The following RAPGEF2 variants were observed in gnomAD, a reference collection of about 807,000 sequenced individuals.
RAPGEF2 encodes the protein PDZ domain containing guanine nucleotide exchange factor (GEF) 1.
In RAPGEF2, 54 loss-of-function variants were observed where a neutral mutation model predicts 186.7. The ratio of observed to expected loss-of-function variants is 0.29; its 90% confidence interval spans 0.23 to 0.36. RAPGEF2 has a LOEUF of 0.36. RAPGEF2 is among the 10% of genes least tolerant of loss of function. The pLI is 1.00. For missense variants in RAPGEF2, 1,532 were observed against 2,045.0 expected (o/e 0.75, Z 4.84); for synonymous variants, 712 against 705.9 (o/e 1.01, Z -0.14).
intron 3 of RAPGEF2, among the ~76,000 whole-genome samples, chr4:159,206,579 A>G (rs1055897729): frequency 6.6e-6 from 1 of 152,156 alleles, no homozygotes; most frequent in African/African-American, 2.4e-5. Context: ...TTACATACAC[A>G]TGTAAAAACC....
chr4:159,161,619 G>C (rs940952228), intron 1 of RAPGEF2, among the ~76,000 whole-genome samples: 2 of 152,104 alleles, frequency 1.3e-5, no homozygotes, highest in East Asian at 3.9e-4. Context: ...CAGGAGGATC[G>C]ATTGAGCCTG....
rs1417710465 is a variant in RAPGEF2 at position 159,353,083 on chromosome 4, T to C, written c.4091+173T>C. 6.6e-6 allele frequency among the ~76,000 whole-genome samples: 1 copy of C among 152,244 alleles called. No individual in the cohort carries two copies. Among genetic ancestry groups the C allele is most frequent in the Non-Finnish European group, 1.5e-5 (1 of 68,042 alleles). On this transcript the variant is annotated intron_variant, in intron 27 of 29. Transcript: ENST00000691494. The surrounding 1 kb of genome is among the most constrained non-coding windows in gnomAD (Gnocchi z 4.3). ...ACACTAAGTATCATGTTATTTTTGT[T>C]AAGCAGACTGCTTTTTTAGTTAAGT... is the stretch of plus-strand genomic sequence containing the variant.
At chr4:159,182,737 A>G (rs1455833324) in intron 1 of RAPGEF2, among the ~76,000 whole-genome samples, 2 of 152,106 alleles carry the variant, frequency 1.3e-5, no homozygotes, top group Non-Finnish European at 2.9e-5. Context: ...TTATCTAGTT[A>G]TTCTGTGAAT....
chr4:159,104,544 G>GAC (rs1737638121), intron 1 of RAPGEF2, among the ~76,000 whole-genome samples: 9 of 132,694 alleles, frequency 6.8e-5, no homozygotes, highest in South Asian at 2.4e-4. Context: ...CAGAGAGAGA[G>GAC]AGAGAGAGAG....
At chr4:159,104,509 AGAGAGAGAGAGAGAGAGG>A (rs1368362499) in intron 1 of RAPGEF2, among the ~76,000 whole-genome samples, 18 of 128,650 alleles carry the variant, frequency 1.4e-4, no homozygotes, top group African/African-American at 5.8e-4. Context: ...AGAGAGAGAG[AGAGAGAGAGAGAGAGAGG>A]GAGAGACAGA....
chr4:159,289,454 T>TA (rs1272230477), intron 7 of RAPGEF2, among the ~76,000 whole-genome samples: 1 of 152,198 alleles, frequency 6.6e-6, no homozygotes, highest in Non-Finnish European at 1.5e-5. Flanking sequence ...CTGGTGATCT[T>TA]ACCTATAATT....
chr4:159,117,910 A>T (rs1486841348), intron 1 of RAPGEF2, among the ~76,000 whole-genome samples: 1 of 152,208 alleles, frequency 6.6e-6, no homozygotes, highest in African/African-American at 2.4e-5. Flanking sequence ...TCATAAAAAT[A>T]GGAAGGTCAT....
intron 7 of RAPGEF2, among the ~76,000 whole-genome samples, chr4:159,297,286 C>G (rs1158802982): frequency 6.6e-6 from 1 of 152,222 alleles, no homozygotes; most frequent in Non-Finnish European, 1.5e-5. Flanking sequence ...TCTGTTCAGA[C>G]TGTCCTCTGA....
intron 3 of RAPGEF2, among the ~76,000 whole-genome samples, chr4:159,196,754 G>C (rs1163598681): frequency 6.6e-6 from 1 of 152,176 alleles, no homozygotes; most frequent in Non-Finnish European, 1.5e-5. Flanking sequence ...CAATATTTTA[G>C]TTGCTTTAAA....
chr4:159,125,056 AAGTT>A (rs1363413491), intron 1 of RAPGEF2, among the ~76,000 whole-genome samples: 1 of 151,890 alleles, frequency 6.6e-6, no homozygotes, highest in Non-Finnish European at 1.5e-5. Context: ...TTAGAAATAA[AAGTT>A]AGATGAGAGG....
chr4:159,198,310 CTTTCTTTCTTTCTTTCTTTCTTTCTT>C (rs1748991146), intron 3 of RAPGEF2, among the ~76,000 whole-genome samples: 1 of 65,076 alleles, frequency 1.5e-5, no homozygotes, highest in African/African-American at 6.7e-5. Flanking sequence ...TTCTTTCTTT[CTTTCTTTCTTTCTTTCTTTCTTTCTT>C]TTTCTTTCTC....
At chr4:159,136,369 G>A (rs1741724278) in intron 1 of RAPGEF2, among the ~76,000 whole-genome samples, 1 of 152,174 alleles carries the variant, frequency 6.6e-6, no homozygotes. Flanking sequence ...AATTATTGGA[G>A]AAAAGGACTT....
At position 159,346,964 on chromosome 4, in the gene RAPGEF2, G is replaced by C; in HGVS notation, c.3678G>C (p.Arg1226=). The C allele has an allele frequency of 6.2e-7, 1 of 1,614,160 alleles. No individual in the cohort carries two copies. The part of the protein sequence containing the change: ...QVPAVSLYPS[R]KKVPVKDLPP... ...CCGCCGTGTCCCTTTATCCTTCACGGAAGAAAGTGCCCGTAAAGGATCTCC... is the reference window on the plus strand; with the variant it reads ...CCGCCGTGTCCCTTTATCCTTCACGCAAGAAAGTGCCCGTAAAGGATCTCC... Residue 1226 remains arginine, a synonymous_variant, in exon 25 of 30, where the codon CGG becomes CGC. Transcript: ENST00000691494.
intron 3 of RAPGEF2, among the ~76,000 whole-genome samples, chr4:159,201,249 A>G (rs1302213390): frequency 3.3e-5 from 5 of 152,254 alleles, no homozygotes; most frequent in African/African-American, 1.2e-4. Flanking sequence ...TAAATCCAGT[A>G]ACAGAAATGA....
At chr4:159,137,478 C>T (rs1474365798) in intron 1 of RAPGEF2, among the ~76,000 whole-genome samples, 1 of 152,134 alleles carries the variant, frequency 6.6e-6, no homozygotes, top group Non-Finnish European at 1.5e-5. Flanking sequence ...CCTTGATTAC[C>T]TCCCAGAGGC....
At chr4:159,238,158 A>G in intron 4 of RAPGEF2, among the ~76,000 whole-genome samples, 1 of 152,212 alleles carries the variant, frequency 6.6e-6, no homozygotes, top group East Asian at 1.9e-4. Flanking sequence ...CATCTTCACC[A>G]TTCTTAACGT....
In RAPGEF2 at chr4:159,263,676, G is replaced by T. The variant is rs762304006; in HGVS notation, c.543+19885G>T. On this transcript the variant is annotated intron_variant, in intron 7 of 29. Transcript: ENST00000691494. ...TACATTATTCTCTTGATTCCCTTGCGTTTTGATGAAGTTTAATTAAATGTT... is the reference window on the plus strand; with the variant it reads ...TACATTATTCTCTTGATTCCCTTGCTTTTTGATGAAGTTTAATTAAATGTT... Among the ~76,000 whole-genome samples the T allele has an allele frequency of 6.6e-5, 10 of 151,846 alleles. No individual in the cohort carries two copies. In the East Asian group the frequency reaches 7.7e-4, roughly 12 times the overall value.
chr4:159,221,350 A>T (rs141552330), intron 4 of RAPGEF2, among the ~76,000 whole-genome samples: 2 of 152,318 alleles, frequency 1.3e-5, no homozygotes, highest in East Asian at 3.9e-4. Flanking sequence ...CCCAGCCATC[A>T]TGTCTGCATT....
At chr4:159,144,252 A>G (rs770319103) in intron 1 of RAPGEF2, among the ~76,000 whole-genome samples, 2 of 152,190 alleles carry the variant, frequency 1.3e-5, no homozygotes, top group Non-Finnish European at 2.9e-5. Flanking sequence ...AACTTACCTT[A>G]GTCTTACTGT....
Sources: allele counts gnomAD v4.1 joint callset (sites outside exome capture counted in the v4.1 genomes callset), GRCh38; gene constraint gnomAD v4.1.1; non-coding constraint Gnocchi (gnomAD v3.1); transcripts MANE v1.5; gene names NCBI Gene and HGNC (gene_info 2026-07-23, HGNC 2026-07-21).